FANCC: variants seen among roughly 807,000 people sequenced by gnomAD.
The protein encoded by FANCC is Fanconi anemia group C protein.
In FANCC, 55 loss-of-function variants were observed where a neutral mutation model predicts 71.3. That is an observed-to-expected ratio of 0.77 (90% CI 0.62 to 0.97). The LOEUF (loss-of-function observed/expected upper bound fraction) is 0.97. FANCC is among the 50% of genes least tolerant of loss of function. FANCC has a pLI of 0.00. For missense variants in FANCC, 678 were observed against 670.9 expected, an observed-to-expected ratio of 1.01 and a Z score of -0.12; for synonymous variants, 275 against 244.9, an observed-to-expected ratio of 1.12 and a Z score of -1.15.
At chr9:95,256,540 T>C (rs549462317) in intron 1 of FANCC, among the ~76,000 whole-genome samples, 55 of 152,160 alleles carry the variant, frequency 3.6e-4, no homozygotes, top group African/African-American at 1.1e-3. Context: ...GAAGGAAGTA[T>C]TAAATATGGA....
intron 8 of FANCC, among the ~76,000 whole-genome samples, chr9:95,132,769 G>C (rs1312713696): frequency 6.6e-6 from 1 of 152,142 alleles, no homozygotes. Flanking sequence ...GAAAATATCA[G>C]ACCTGCGAGT....
At chr9:95,262,252 C>A (rs912200121) in intron 1 of FANCC, among the ~76,000 whole-genome samples, 1 of 152,044 alleles carries the variant, frequency 6.6e-6, no homozygotes, top group African/African-American at 2.4e-5. Context: ...TCAAAAACTT[C>A]ATGGAAAATG....
At chr9:95,160,007 G>A (rs1310951722) in intron 6 of FANCC, among the ~76,000 whole-genome samples, 1 of 152,116 alleles carries the variant, frequency 6.6e-6, no homozygotes, top group Non-Finnish European at 1.5e-5. Flanking sequence ...AGTTTCTTTT[G>A]CTGTGCAGAA....
intron 1 of FANCC, among the ~76,000 whole-genome samples, chr9:95,281,922 A>T (rs1259148388): frequency 6.6e-6 from 1 of 152,040 alleles, no homozygotes; most frequent in African/African-American, 2.4e-5. Flanking sequence ...ATACACTAAA[A>T]ATAAAAAGCA....
chr9:95,126,438 CA>C (rs1288208811), intron 9 of FANCC, 90 bp downstream of exon 9: 4 of 1,248,884 alleles, frequency 3.2e-6, no homozygotes, highest in Non-Finnish European at 4.7e-6. Flanking sequence ...CCCCATGATA[CA>C]GCCAGAGACT....
chr9:95,260,696 A>C (rs1032851748), intron 1 of FANCC, among the ~76,000 whole-genome samples: 15 of 151,082 alleles, frequency 9.9e-5, no homozygotes, highest in African/African-American at 3.6e-4. Flanking sequence ...TAAAAAAAAA[A>C]AAAAAACTTC....
chr9:95,274,798 T>C lies in FANCC; in HGVS notation c.-78-25429A>G, dbSNP rs965200657. Among the ~76,000 whole-genome samples, 3 of 152,032 alleles carry C rather than the reference T, an allele frequency of 2.0e-5. No homozygotes were observed. The South Asian group carries it at 6.2e-4, about 32-fold the overall frequency. On this transcript the variant is annotated intron_variant, in intron 1 of 14. Transcript: ENST00000289081. The stretch of plus-strand genomic sequence containing the variant: ...ATCAAGGAAATCTCAAAAAATGAAA[T>C]GGACTGATACACAGTATGGGCACTG...
chr9:95,246,809 C>T (rs1831008911), intron 3 of FANCC, among the ~76,000 whole-genome samples: 1 of 152,164 alleles, frequency 6.6e-6, no homozygotes, highest in Admixed American at 6.5e-5. Flanking sequence ...TGGCTACCAC[C>T]ATGAGGTATA....
intron 1 of FANCC, among the ~76,000 whole-genome samples, chr9:95,308,186 G>A (rs1835173358): frequency 6.6e-6 from 1 of 151,918 alleles, no homozygotes; most frequent in Non-Finnish European, 1.5e-5. Flanking sequence ...TCACCATTTT[G>A]CCTCAAAAAC....
intron 13 of FANCC, chr9:95,110,798 G>A: frequency 8.9e-7 from 1 of 1,124,984 alleles, no homozygotes; most frequent in Non-Finnish European, 1.1e-6. Flanking sequence ...CAAGGGAGGT[G>A]CCAATGCCTT....
intron 1 of FANCC, among the ~76,000 whole-genome samples, chr9:95,311,319 T>C (rs780358452): frequency 1.4e-5 from 2 of 148,066 alleles, no homozygotes; most frequent in Non-Finnish European, 3.0e-5. Context: ...ATTACAAAAA[T>C]AGGATTAGGC....
At chr9:95,207,688 GTT>G (rs1029925846) in intron 4 of FANCC, among the ~76,000 whole-genome samples, 8 of 152,176 alleles carry the variant, frequency 5.3e-5, no homozygotes, top group Non-Finnish European at 8.8e-5. Context: ...CATTGACAGT[GTT>G]ACAACCTCTC....
chr9:95,256,159 A>C (rs1468015195), intron 1 of FANCC, among the ~76,000 whole-genome samples: 1 of 152,238 alleles, frequency 6.6e-6, no homozygotes, highest in South Asian at 2.1e-4. Context: ...CTACCAAGAC[A>C]GGCCAACATT....
intron 4 of FANCC, among the ~76,000 whole-genome samples, chr9:95,173,862 C>T (rs1345840131): frequency 2.6e-5 from 4 of 152,208 alleles, no homozygotes; most frequent in African/African-American, 9.6e-5. Context: ...AGGCTCTGCA[C>T]TCCAGGCTGG....
chr9:95,146,324 C>T (rs760611178), intron 7 of FANCC, among the ~76,000 whole-genome samples: 4 of 150,730 alleles, frequency 2.7e-5, no homozygotes, highest in African/African-American at 4.9e-5. Context: ...CCGTCTCTAC[C>T]GAAAATACAA....
intron 10 of FANCC, chr9:95,123,865 G>C: frequency 1.7e-6 from 1 of 582,592 alleles, no homozygotes; most frequent in South Asian, 1.5e-5. Flanking sequence ...CAAAGCCCAC[G>C]TAAGGAGTTG....
intron 1 of FANCC, chr9:95,292,657 G>A (rs1588428088): frequency 7.2e-7 from 1 of 1,384,760 alleles, no homozygotes; most frequent in East Asian, 2.3e-5. Context: ...CTGGTCAAGA[G>A]CCACCGCATG....
At chr9:95,106,470 A>G (rs998439832) in intron 14 of FANCC, among the ~76,000 whole-genome samples, 3 of 152,178 alleles carry the variant, frequency 2.0e-5, no homozygotes, top group African/African-American at 4.8e-5. Context: ...TAATTTTCAT[A>G]AAGTCCAATT....
intron 4 of FANCC, among the ~76,000 whole-genome samples, chr9:95,205,894 C>A (rs10993488): frequency 1.3e-5 from 2 of 151,828 alleles, no homozygotes; most frequent in Non-Finnish European, 2.9e-5. Flanking sequence ...AGGAAACAAG[C>A]GGTAAAAGTT....
Sources: gnomAD v4.1 joint callset for allele counts (sites outside exome capture counted in the v4.1 genomes callset) on GRCh38, gnomAD v4.1.1 for gene constraint, MANE v1.5 for transcripts, NCBI Gene and HGNC (gene_info 2026-07-23, HGNC 2026-07-21) for gene names.